Variants in FMNL2 observed in about 807,000 individuals in gnomAD.
FMNL2 encodes the protein formin like 2, also known as formin-like protein 2.
A neutral mutation model predicts 130.2 loss-of-function variants in FMNL2; 51 were observed. That is an observed-to-expected ratio of 0.39 (90% CI 0.31 to 0.49). The LOEUF (loss-of-function observed/expected upper bound fraction) is 0.49. FMNL2 is among the 20% of genes least tolerant of loss of function. The pLI is 0.85. For synonymous variants in FMNL2, 465 were observed against 467.1 expected (o/e 1.00, Z 0.06); for missense variants, 977 against 1,316.2 (o/e 0.74, Z 3.99).
At chr2:152,625,402 G>T (rs769702653) in intron 15 of FMNL2, 36 bp from the exon 16 acceptor site, 2 of 1,585,208 alleles carry the variant, frequency 1.3e-6, no homozygotes, top group African/African-American at 2.7e-5. Context: ...TAGGCTTTTG[G>T]TGGGATCTTA....
intron 15 of FMNL2, among the ~76,000 whole-genome samples, chr2:152,621,986 A>G (rs2105904525): frequency 6.6e-6 from 1 of 152,338 alleles, no homozygotes; most frequent in Non-Finnish European, 1.5e-5. Flanking sequence ...CAGAAGACCA[A>G]GAGGAGAGCC....
chr2:152,360,135 G>T (rs993770064), intron 1 of FMNL2, among the ~76,000 whole-genome samples: 4 of 152,130 alleles, frequency 2.6e-5, no homozygotes, highest in African/African-American at 9.7e-5. Context: ...TGCAACTAAA[G>T]CATAATAAAG....
rs189446719 is a variant in FMNL2 at position 152,604,425 on chromosome 2, C to T, written c.877-2914C>T. 1.2e-4 allele frequency among the ~76,000 whole-genome samples: 18 copies of T among 151,082 alleles called. 4 individuals are homozygous for T. In the East Asian group the frequency reaches 3.7e-3, roughly 31 times the overall value. On this transcript the variant is annotated intron_variant, in intron 9 of 25. Transcript: ENST00000288670. ...CCTCCCTAGGAATTGCTTTTGTTGT[C>T]ACTGTTCACGAACAGCTGTTGCCTC...
At chr2:152,571,570 G>T (rs1321649983) in intron 6 of FMNL2, among the ~76,000 whole-genome samples, 3 of 152,168 alleles carry the variant, frequency 2.0e-5, no homozygotes, top group Non-Finnish European at 2.9e-5. Context: ...ACATGCCAAG[G>T]GTGTTAGTTT....
At chr2:152,620,471 G>A (rs1036963488) in intron 15 of FMNL2, among the ~76,000 whole-genome samples, 6 of 152,104 alleles carry the variant, frequency 3.9e-5, no homozygotes, top group African/African-American at 9.7e-5. Flanking sequence ...GCTACGAGCC[G>A]TTTTCTCAGT....
chr2:152,336,135 T>C (rs1681427125), intron 1 of FMNL2, among the ~76,000 whole-genome samples: 1 of 139,530 alleles, frequency 7.2e-6, no homozygotes, highest in Non-Finnish European at 1.5e-5. Flanking sequence ...CCTGAGCCCC[T>C]GCGGACCATC....
At chr2:152,643,445 C>T (rs1208882641) in intron 25 of FMNL2, 10 of 1,535,980 alleles carry the variant, frequency 6.5e-6, no homozygotes, top group Non-Finnish European at 8.7e-6. Context: ...CTTTACTGCT[C>T]GCACCGCCAA....
intron 9 of FMNL2, among the ~76,000 whole-genome samples, chr2:152,582,961 G>A (rs776113516): frequency 3.9e-5 from 6 of 152,134 alleles, no homozygotes; most frequent in Non-Finnish European, 7.4e-5. Flanking sequence ...GAATTCATGA[G>A]ATGAATGATA....
intron 1 of FMNL2, among the ~76,000 whole-genome samples, chr2:152,517,701 A>G (rs1484583587): frequency 1.3e-5 from 2 of 152,246 alleles, no homozygotes; most frequent in African/African-American, 4.8e-5. Context: ...AACTTGTACA[A>G]TCTAGAAAAA....
At chr2:152,547,418 A>G (rs934605048) in intron 3 of FMNL2, among the ~76,000 whole-genome samples, 10 of 152,050 alleles carry the variant, frequency 6.6e-5, no homozygotes, top group Non-Finnish European at 1.0e-4. Flanking sequence ...GGACATTTTT[A>G]TTTCCTACTT....
At chr2:152,638,500 C>T (rs1298503364) in intron 23 of FMNL2, among the ~76,000 whole-genome samples, 2 of 152,202 alleles carry the variant, frequency 1.3e-5, no homozygotes, top group Non-Finnish European at 2.9e-5. Flanking sequence ...ACTTCCCTAA[C>T]ACCACTAGGG....
chr2:152,399,804 T>C (rs1685589049), intron 1 of FMNL2, among the ~76,000 whole-genome samples: 1 of 152,196 alleles, frequency 6.6e-6, no homozygotes, highest in Non-Finnish European at 1.5e-5. Flanking sequence ...ATGTCTTTAA[T>C]AGTGTTTCTA....
intron 1 of FMNL2, among the ~76,000 whole-genome samples, chr2:152,358,729 A>T (rs746098925): frequency 1.3e-5 from 2 of 152,204 alleles, no homozygotes; most frequent in Admixed American, 6.6e-5. Context: ...GAATACAATA[A>T]CTACTGCAAA....
At chr2:152,374,080 C>T (rs773108695) in intron 1 of FMNL2, among the ~76,000 whole-genome samples, 7 of 152,088 alleles carry the variant, frequency 4.6e-5, no homozygotes, top group African/African-American at 1.2e-4. Flanking sequence ...AGGTACTTTT[C>T]GCCTTCAGAC....
chr2:152,637,405 G>C (rs568921800), intron 22 of FMNL2, among the ~76,000 whole-genome samples, 168 bp from the exon 23 acceptor site: 2 of 152,210 alleles, frequency 1.3e-5, no homozygotes, highest in African/African-American at 4.8e-5. Context: ...GAGGCGTTTG[G>C]AGGAAACACG....
At chr2:152,512,299 C>A (rs897797087) in intron 1 of FMNL2, among the ~76,000 whole-genome samples, 1 of 152,200 alleles carries the variant, frequency 6.6e-6, no homozygotes, top group Non-Finnish European at 1.5e-5. Context: ...ATGAGTGATT[C>A]TTTCCATTAT....
At chr2:152,569,596 A>G (rs1244417615) in intron 6 of FMNL2, among the ~76,000 whole-genome samples, 2 of 149,646 alleles carry the variant, frequency 1.3e-5, no homozygotes, top group African/African-American at 2.5e-5. Context: ...CAGGAGGATC[A>G]CTTGAACATG....
intron 2 of FMNL2, among the ~76,000 whole-genome samples, chr2:152,541,609 C>T (rs1391271490): frequency 6.6e-6 from 1 of 152,162 alleles, no homozygotes; most frequent in Admixed American, 6.5e-5. Flanking sequence ...AGTCCTCCAA[C>T]CATGACTTTC....
In FMNL2 at chr2:152,601,303, CTT is replaced by C. The variant is rs10567754; in HGVS notation, c.877-6022_877-6021del. ...CTTTCTTTCTTTTCTTTTCTTTTTT[CTT>C]TTTTTTTTTTTTTGAGATGGAGTCT... On this transcript the variant is annotated intron_variant, in intron 9 of 25. Transcript: ENST00000288670. 6.3e-3 allele frequency among the ~76,000 whole-genome samples: 847 copies of C among 134,712 alleles called. 5 individuals carry two copies. The highest frequency in any genetic ancestry group is 0.022 in the African/African-American group (813 of 36,822). The allele number at this position is 134,712 out of a possible 152,430, so 88.4% of individuals were successfully genotyped here.
Sources: gnomAD v4.1 joint callset for allele counts (sites outside exome capture counted in the v4.1 genomes callset) on GRCh38, gnomAD v4.1.1 for gene constraint, MANE v1.5 for transcripts, NCBI Gene and HGNC (gene_info 2026-07-23, HGNC 2026-07-21) for gene names.